Variants in IQGAP2 observed in about 807,000 individuals in gnomAD.
IQGAP2 encodes the protein ras GTPase-activating-like protein IQGAP2.
In IQGAP2, 173 loss-of-function variants were observed where a neutral mutation model predicts 201.3. The observed-to-expected ratio is 0.86, with a 90% confidence interval of 0.76 to 0.98. The LOEUF (loss-of-function observed/expected upper bound fraction) is 0.98. Among genes scored for constraint, IQGAP2 ranks in the 50% least tolerant of loss-of-function variants. The pLI is 0.00. For synonymous variants in IQGAP2, 675 were observed against 673.9 expected (o/e 1.00, Z -0.03); for missense variants, 1,687 against 1,864.8 (o/e 0.90, Z 1.76).
At chr5:76,452,406 G>T (rs565398078) in intron 1 of IQGAP2, among the ~76,000 whole-genome samples, 1 of 151,960 alleles carries the variant, frequency 6.6e-6, no homozygotes, top group East Asian at 1.9e-4. Context: ...CCAGGAAGGG[G>T]GACAGCCCTT....
At chr5:76,499,747 C>T (rs1168218297) in intron 2 of IQGAP2, among the ~76,000 whole-genome samples, 1 of 152,156 alleles carries the variant, frequency 6.6e-6, no homozygotes, top group Non-Finnish European at 1.5e-5. Context: ...ATAAGAAGAG[C>T]TGCCTCACAG....
chr5:76,411,647 G>C (rs114240878), intron 1 of IQGAP2, among the ~76,000 whole-genome samples: 2 of 152,078 alleles, frequency 1.3e-5, no homozygotes, highest in African/African-American at 4.8e-5. Flanking sequence ...GCCATGTTAC[G>C]GTGCAGTAAG....
At chr5:76,570,981 C>A (rs553102220) in intron 4 of IQGAP2, among the ~76,000 whole-genome samples, 1 of 151,864 alleles carries the variant, frequency 6.6e-6, no homozygotes, top group Non-Finnish European at 1.5e-5. Context: ...TAAGTCTCAG[C>A]CACTTTTGGT....
intron 4 of IQGAP2, among the ~76,000 whole-genome samples, chr5:76,572,782 A>T (rs1416396927): frequency 6.6e-6 from 1 of 152,176 alleles, no homozygotes; most frequent in Non-Finnish European, 1.5e-5. Flanking sequence ...GTCTCGCTGG[A>T]GGTCAAGAGG....
Position 76,611,020 on chromosome 5 carries a change from G to C in IQGAP2, c.1358G>C (p.Arg453Pro). 1 of 1,604,356 alleles carries C rather than the reference G, an allele frequency of 6.2e-7. No homozygotes were observed. Reference sequence around the variant, plus strand: ...GGAAAACTACTTCTTCATTTTCTAGGAGTTGTAGCTGTAGGGTACATCAAT... The same window carrying C: ...GGAAAACTACTTCTTCATTTTCTAGCAGTTGTAGCTGTAGGGTACATCAAT... ...VNAQIQEENDRVVAVGYINEA... is the reference protein window; with the variant it reads ...VNAQIQEENDPVVAVGYINEA... Residue 453 changes from arginine (R) to proline (P), a missense_variant and splice_region_variant, in exon 13 of 36, where the codon CGA becomes CCA. By Grantham distance (103) the Arg-to-Pro change is moderately radical. Transcript: ENST00000274364.
chr5:76,681,022 C>T (rs1205441457), intron 28 of IQGAP2, among the ~76,000 whole-genome samples: 1 of 133,962 alleles, frequency 7.5e-6, no homozygotes, highest in Non-Finnish European at 1.5e-5. Context: ...ACGAGAGTCA[C>T]TTGAGCCTGG....
chr5:76,499,896 A>T (rs1294476409), intron 2 of IQGAP2, among the ~76,000 whole-genome samples: 1 of 152,170 alleles, frequency 6.6e-6, no homozygotes, highest in Admixed American at 6.5e-5. Context: ...GCTTGAGCCC[A>T]GGAGTTCAAG....
intron 28 of IQGAP2, among the ~76,000 whole-genome samples, chr5:76,680,371 C>T (rs1745171949): frequency 1.3e-5 from 2 of 152,084 alleles, no homozygotes; most frequent in African/African-American, 2.4e-5. Flanking sequence ...AGAGCTAAAA[C>T]TATAGATCTC....
intron 2 of IQGAP2, among the ~76,000 whole-genome samples, chr5:76,481,591 C>G (rs1386497187): frequency 6.6e-6 from 1 of 151,984 alleles, no homozygotes; most frequent in East Asian, 1.9e-4. Flanking sequence ...ACCATTTTGG[C>G]CAGGCTTGTC....
chr5:76,623,795 A>T (rs1749949586), intron 13 of IQGAP2, among the ~76,000 whole-genome samples: 1 of 152,210 alleles, frequency 6.6e-6, no homozygotes, highest in South Asian at 2.1e-4. Context: ...CTTTTAAGAA[A>T]TTCAAATTGA....
chr5:76,524,042 C>T (rs1188460995), intron 2 of IQGAP2, among the ~76,000 whole-genome samples: 1 of 152,116 alleles, frequency 6.6e-6, no homozygotes, highest in Non-Finnish European at 1.5e-5. Flanking sequence ...CTTTAGGAGT[C>T]TATAAATCTG....
chr5:76,592,817 A>C (rs202150651), intron 8 of IQGAP2, 21 bp from the exon 9 acceptor site: 1 of 1,464,634 alleles, frequency 6.8e-7, no homozygotes, highest in East Asian at 2.3e-5. Flanking sequence ...CTCAGAAATC[A>C]GTGAAGACTT....
intron 2 of IQGAP2, among the ~76,000 whole-genome samples, chr5:76,475,013 A>T (rs888342284): frequency 6.6e-6 from 1 of 152,194 alleles, no homozygotes; most frequent in East Asian, 1.9e-4. Context: ...CGTCCGGCTG[A>T]GGTCTGCCTT....
At chr5:76,408,760 GC>G (rs1429362377) in intron 1 of IQGAP2, among the ~76,000 whole-genome samples, 1 of 151,934 alleles carries the variant, frequency 6.6e-6, no homozygotes, top group Non-Finnish European at 1.5e-5. Context: ...AGATCTGCCT[GC>G]CCCCCACCCA....
intron 2 of IQGAP2, among the ~76,000 whole-genome samples, chr5:76,485,472 C>T (rs1187885366): frequency 2.0e-5 from 3 of 152,120 alleles, no homozygotes; most frequent in Non-Finnish European, 2.9e-5. Context: ...TTTTTCCCCC[C>T]TTGGTTATAC....
At position 76,617,754 on chromosome 5, in the gene IQGAP2, T is replaced by C. The variant is rs1749131655; in HGVS notation, c.1521+6571T>C. 3 of 1,613,762 alleles carry C rather than the reference T, an allele frequency of 1.9e-6. No homozygotes were observed. The highest frequency in any genetic ancestry group is 3.3e-5 in the Admixed American group (2 of 59,982). On this transcript the variant is annotated intron_variant, in intron 13 of 35. Coordinates refer to ENST00000274364, the MANE Select transcript of IQGAP2 (RefSeq NM_006633.5). ...AGCATGGTGAATAATAAGAATAATA[T>C]TGCTTGGAGCAAAGCAAATGGTAAA...
chr5:76,406,538 A>G (rs1157020733), intron 1 of IQGAP2, among the ~76,000 whole-genome samples: 3 of 152,254 alleles, frequency 2.0e-5, no homozygotes, highest in South Asian at 2.1e-4. Flanking sequence ...GTATTTTTCT[A>G]TACTCAACCA....
intron 4 of IQGAP2, among the ~76,000 whole-genome samples, chr5:76,574,712 A>G (rs1323911069): frequency 1.3e-5 from 2 of 152,244 alleles, no homozygotes; most frequent in African/African-American, 4.8e-5. Context: ...AACATGTTAG[A>G]AAAAGGAAAA....
At chr5:76,541,652 T>C (rs2202114) in intron 2 of IQGAP2, among the ~76,000 whole-genome samples, 81,091 of 152,088 alleles carry the variant, frequency 0.53, 22,246 homozygotes, top group South Asian at 0.74. Context: ...TAACAGTTCA[T>C]AAGTGTTTCA....
Sources: allele counts gnomAD v4.1 joint callset (sites outside exome capture counted in the v4.1 genomes callset), GRCh38; gene constraint gnomAD v4.1.1; transcripts MANE v1.5; gene names NCBI Gene and HGNC (gene_info 2026-07-23, HGNC 2026-07-21).